The following MAPK6 variants were observed in gnomAD, a reference collection of about 807,000 sequenced individuals.
MAPK6 encodes ERK-3.
A neutral mutation model predicts 59.3 loss-of-function variants in MAPK6; 19 were observed. The ratio of observed to expected loss-of-function variants is 0.32; its 90% confidence interval spans 0.22 to 0.47. The LOEUF is 0.47. Ranked by LOEUF, MAPK6 falls within the 20% of genes least tolerant of loss-of-function variation. The pLI, the probability that MAPK6 is intolerant of heterozygous loss-of-function variation, is 1.00. For missense variants in MAPK6, 724 were observed against 847.9 expected (o/e 0.85, Z 1.81); for synonymous variants, 316 against 290.3 (o/e 1.09, Z -0.90).
upstream of MAPK6, among the ~76,000 whole-genome samples, chr15:52,016,070 G>GCGCGCACACACACACA: frequency 5.2e-4 from 29 of 55,444 alleles, 1 homozygote; most frequent in South Asian, 2.2e-3. Context: ...GCGCGCGCGC[G>GCGCGCACACACACACA]CACACACACA....
intron 1 of MAPK6, among the ~76,000 whole-genome samples, chr15:52,045,095 A>G (rs1312412589): frequency 6.6e-6 from 1 of 152,190 alleles, no homozygotes; most frequent in Non-Finnish European, 1.5e-5. Flanking sequence ...ACTGTGAAGA[A>G]AAATGGCCGG....
At chr15:52,022,667 TAAAAA>T (rs769393712) in intron 1 of MAPK6, among the ~76,000 whole-genome samples, 5 of 151,746 alleles carry the variant, frequency 3.3e-5, no homozygotes, top group Non-Finnish European at 5.9e-5. Flanking sequence ...AATTCAAACT[TAAAAA>T]AAATTTCCTA....
At chr15:52,027,499 G>A (rs11636443) in intron 1 of MAPK6, 54,184 of 150,932 alleles carry the variant, frequency 0.36, 10,632 homozygotes, top group Non-Finnish European at 0.43. Context: ...TACATATTCT[G>A]AGTCTTCATC....
chr15:51,980,180 A>G (rs1439208755), intron 1 of MAPK6, among the ~76,000 whole-genome samples: 1 of 151,100 alleles, frequency 6.6e-6, no homozygotes, highest in Non-Finnish European at 1.5e-5. Context: ...CTGTAATCCC[A>G]GCTACTTGGG....
chr15:52,004,889 C>A (rs375450732), intron 3 of MAPK6, among the ~76,000 whole-genome samples: 7 of 152,150 alleles, frequency 4.6e-5, no homozygotes, highest in African/African-American at 1.7e-4. Context: ...AGCAACCCCA[C>A]TCTGGATTTT....
chr15:52,047,071 A>T, intron 2 of MAPK6, 56 bp downstream of exon 2: 2 of 1,210,648 alleles, frequency 1.7e-6, no homozygotes, highest in Non-Finnish European at 2.2e-6. Context: ...CTAATCAGGA[A>T]TAGGTACTTA....
At chr15:52,059,998 C>T (rs756318978) in intron 4 of MAPK6, among the ~76,000 whole-genome samples, 7 of 152,264 alleles carry the variant, frequency 4.6e-5, no homozygotes, top group East Asian at 3.9e-4. Context: ...TCTGAGTGAA[C>T]GTATAAGACT....
intron 3 of MAPK6, among the ~76,000 whole-genome samples, chr15:52,051,279 G>T (rs796401404): frequency 1.3e-5 from 2 of 151,834 alleles, no homozygotes; most frequent in African/African-American, 2.4e-5. Flanking sequence ...GGATGGTCTC[G>T]ATCTCCTGAC....
intron 2 of MAPK6, among the ~76,000 whole-genome samples, chr15:51,989,229 G>C (rs1170443525): frequency 1.3e-5 from 2 of 151,864 alleles, no homozygotes; most frequent in Non-Finnish European, 2.9e-5. Context: ...ATAGGCACCC[G>C]TCATCATGCC....
At position 52,065,101 on chromosome 15, in the gene MAPK6, C is replaced by T. The variant is rs1438664415; in HGVS notation, c.*101C>T. The T allele has an allele frequency of 2.7e-6, 3 of 1,115,822 alleles. No individual in the cohort carries two copies. Among genetic ancestry groups the T allele is most frequent in the Non-Finnish European group, 2.5e-6 (2 of 807,394 alleles). The allele number at this position is 1,115,822 out of a possible 1,614,324, so 69.1% of individuals were successfully genotyped here. ...ATTTTTTACTTGAATCAGATGGTGTCATTTAGTAAGGATTTTATGAGTTCT... is the reference window on the plus strand; with the variant it reads ...ATTTTTTACTTGAATCAGATGGTGTTATTTAGTAAGGATTTTATGAGTTCT... On this transcript the variant is annotated 3_prime_UTR_variant, in exon 6 of 6. Transcript: ENST00000261845.
intron 2 of MAPK6, among the ~76,000 whole-genome samples, chr15:51,992,305 A>ATTT (rs61396800): frequency 0.028 from 2,841 of 101,354 alleles, 130 homozygotes; most frequent in Non-Finnish European, 0.042. Flanking sequence ...ATATATATAT[A>ATTT]TTTTTTTTTT....
At chr15:52,049,899 C>CA (rs1367491605) in intron 2 of MAPK6, 94 bp from the exon 3 acceptor site, 2 of 1,153,376 alleles carry the variant, frequency 1.7e-6, no homozygotes, top group Admixed American at 1.8e-5. Flanking sequence ...AGGCATGAGC[C>CA]ACCACGCCTG....
intron 1 of MAPK6, among the ~76,000 whole-genome samples, chr15:52,029,541 C>A (rs528274770): frequency 1.8e-4 from 27 of 152,294 alleles, no homozygotes; most frequent in African/African-American, 5.8e-4. Flanking sequence ...TATTATCCAA[C>A]TGCCTTGCTA....
At chr15:52,054,308 C>A (rs572133674) in intron 3 of MAPK6, among the ~76,000 whole-genome samples, 1 of 131,086 alleles carries the variant, frequency 7.6e-6, no homozygotes, top group African/African-American at 2.9e-5. Context: ...GTGGAGGTTG[C>A]AGTGAGCCGA....
chr15:52,013,010 AAAAAAAAAAAATATATATAT>A (rs1460449382), intron 3 of MAPK6, among the ~76,000 whole-genome samples: 3 of 21,130 alleles, frequency 1.4e-4, no homozygotes, highest in South Asian at 1.4e-3. Context: ...AAAAAAAAAA[AAAAAAAAAAAATATATATAT>A]ATATATATAT....
intron 1 of MAPK6, among the ~76,000 whole-genome samples, chr15:51,981,317 C>G (rs1362933485): frequency 1.3e-5 from 2 of 151,574 alleles, no homozygotes; most frequent in African/African-American, 4.8e-5. Flanking sequence ...ACTAAAAATA[C>G]AAAAAATTAG....
intron 1 of MAPK6, among the ~76,000 whole-genome samples, chr15:52,042,223 G>A (rs149675145): frequency 3.3e-5 from 5 of 152,312 alleles, no homozygotes; most frequent in Admixed American, 6.5e-5. Flanking sequence ...GAGCAGTGAC[G>A]CAGAATCACT....
intron 1 of MAPK6, among the ~76,000 whole-genome samples, chr15:52,034,990 C>G (rs977521592): frequency 6.6e-6 from 1 of 152,254 alleles, no homozygotes; most frequent in Non-Finnish European, 1.5e-5. Flanking sequence ...GCATGAGCCA[C>G]TGCGCCTGGC....
Position 52,046,646 on chromosome 15 carries a change from T to G in MAPK6, c.186T>G (p.Ala62=). Residue 62 remains alanine, a synonymous_variant, in exon 2 of 6, where the codon GCT becomes GCG. Coordinates refer to ENST00000261845, the MANE Select transcript of MAPK6 (RefSeq NM_002748.4). ...CTGATCCCCAGAGTGTCAAACATGC[T>G]CTACGTGAAATCAAAATTATTAGAA... is the stretch of plus-strand genomic sequence containing the variant. ...VLTDPQSVKH[A]LREIKIIRRL... The G allele has an allele frequency of 1.2e-6, 2 of 1,614,156 alleles. No individual in the cohort carries two copies. The highest frequency in any genetic ancestry group is 1.7e-6 in the Non-Finnish European group (2 of 1,180,012).
Sources: allele counts gnomAD v4.1 joint callset (sites outside exome capture counted in the v4.1 genomes callset), GRCh38; gene constraint gnomAD v4.1.1; transcripts MANE v1.5; gene names NCBI Gene and HGNC (gene_info 2026-07-23, HGNC 2026-07-21).